The following PML variants were observed in gnomAD, a reference collection of about 807,000 sequenced individuals.
PML encodes the protein PML nuclear body scaffold.
A neutral mutation model predicts 65.2 loss-of-function variants in PML; 28 were observed. That is an observed-to-expected ratio of 0.43 (90% CI 0.32 to 0.59). The LOEUF is 0.59. Among genes scored for constraint, PML ranks in the 20% least tolerant of loss-of-function variants. PML has a pLI of 0.08. For missense variants in PML, 1,021 were observed against 1,203.4 expected (o/e 0.85, Z 2.24); for synonymous variants, 500 against 508.8 (o/e 0.98, Z 0.23).
rs753194759 is a variant in PML at position 74,035,906 on chromosome 15, G to GC, written c.1710+1382dup. The GC allele has an allele frequency of 3.7e-6, 6 of 1,613,650 alleles. No individual in the cohort carries two copies. The East Asian group carries it at 6.7e-5, about 18-fold the overall frequency. The stretch of plus-strand genomic sequence containing the variant: ...TCCCACCACCCTGTGCCCCAGAAAG[G>GC]CCCCCCATCAGCCCAGTCCCAGGCG... On this transcript the variant is annotated intron_variant, in intron 7 of 8. Coordinates refer to ENST00000268058, the MANE Select transcript of PML (RefSeq NM_033238.3). The surrounding 1 kb of genome is among the most constrained non-coding windows in gnomAD (Gnocchi z 4.1).
chr15:74,007,726 A>G (rs1018484059), intron 2 of PML, among the ~76,000 whole-genome samples: 24 of 152,018 alleles, frequency 1.6e-4, no homozygotes, highest in African/African-American at 5.8e-4. Context: ...TTTGCTCCAC[A>G]TGCCTGTGGA....
intron 2 of PML, among the ~76,000 whole-genome samples, chr15:74,019,659 A>G (rs2070749280): frequency 6.6e-6 from 1 of 152,354 alleles, no homozygotes; most frequent in East Asian, 1.9e-4. Context: ...CATCTGATAC[A>G]CACATTTCTG....
rs992452617 is a variant in PML at position 74,046,045 on chromosome 15, AGT to A, written c.*1039_*1040del. The A allele has an allele frequency of 1.3e-5, 3 of 232,882 alleles. No homozygotes were observed. Among genetic ancestry groups the A allele is most frequent in the Non-Finnish European group, 2.5e-5 (3 of 117,840 alleles). The allele number at this position is 232,882 out of a possible 1,614,324, so 14.4% of individuals were successfully genotyped here. On this transcript the variant is annotated 3_prime_UTR_variant, in exon 9 of 9. Coordinates refer to ENST00000268058, the MANE Select transcript of PML (RefSeq NM_033238.3). Reference sequence around the variant, plus strand: ...GTCCCGTCCCTATCTCTGACTGTGCAGTGAGTGTGGCCTAGGAACAGGTCCCT... The same window carrying A: ...GTCCCGTCCCTATCTCTGACTGTGCAGAGTGTGGCCTAGGAACAGGTCCCT...
rs780369568 is a variant in PML, at chr15:74,044,463, G to C, written c.2104G>C (p.Glu702Gln). Residue 702 changes from glutamate to glutamine, a missense_variant, in exon 9 of 9, where the codon GAG becomes CAG. Coordinates refer to ENST00000268058, the MANE Select transcript of PML (RefSeq NM_033238.3). ...EDINRLWEFQ[E>Q]AISGFLAALP... The stretch of plus-strand genomic sequence containing the variant: ...CATTAACAGGCTGTGGGAATTCCAG[G>C]AGGCCATCTCGGGCTTCCTGGCTGC... The C allele has an allele frequency of 1.1e-5, 17 of 1,614,138 alleles. No homozygotes were observed. Among genetic ancestry groups the C allele is most frequent in the Non-Finnish European group, 1.4e-5 (17 of 1,180,000 alleles).
chr15:74,024,402 G>A (rs1280195350), intron 3 of PML, among the ~76,000 whole-genome samples: 1 of 152,146 alleles, frequency 6.6e-6, no homozygotes, highest in East Asian at 1.9e-4. Context: ...GCTTGCCTTG[G>A]GTGTTATAAC....
chr15:74,041,518 C>T (rs1267714995), intron 7 of PML: 1 of 152,336 alleles, frequency 6.6e-6, no homozygotes, highest in African/African-American at 2.4e-5. Flanking sequence ...GGCAGACTCT[C>T]TGACTAGATC....
Position 74,046,025 on chromosome 15 carries a change from G to C in PML, c.*1017G>C, listed in dbSNP as rs542308418. 6.7e-4 allele frequency: 156 copies of C among 232,822 alleles called. 1 individual carries two copies. The highest frequency in any genetic ancestry group is 2.9e-3 in the African/African-American group (130 of 45,432). 14.4% of individuals were successfully genotyped at this position (232,822 alleles called of 1,614,324 possible). On this transcript the variant is annotated 3_prime_UTR_variant, in exon 9 of 9. Coordinates refer to ENST00000268058, the MANE Select transcript of PML (RefSeq NM_033238.3). Reference sequence around the variant, plus strand: ...AGTGTGGAACAGCAGAGAAAGTCCCGTCCCTATCTCTGACTGTGCAGTGAG... The same window carrying C: ...AGTGTGGAACAGCAGAGAAAGTCCCCTCCCTATCTCTGACTGTGCAGTGAG...
chr15:74,042,219 G>A lies in PML; in HGVS notation c.1711-770G>A, dbSNP rs1482875141. Among the ~76,000 whole-genome samples, 4 of 152,162 alleles carry A rather than the reference G, an allele frequency of 2.6e-5. No individual in the cohort carries two copies. Among genetic ancestry groups the A allele is most frequent in the Non-Finnish European group, 4.4e-5 (3 of 68,046 alleles). On this transcript the variant is annotated intron_variant, in intron 7 of 8. Transcript: ENST00000268058. This position sits in a 1 kb window ranked among gnomAD's most constrained non-coding sequence, Gnocchi z 5.3. The stretch of plus-strand genomic sequence containing the variant: ...CCAGGACCTTGGGACAGGAGAGAAC[G>A]CCTCACCTGAAGGACTCCCAAAACT...
chr15:74,027,410 G>C (rs1056533431), intron 4 of PML: 6 of 152,188 alleles, frequency 3.9e-5, no homozygotes, highest in African/African-American at 1.4e-4. Context: ...AAATCAGCCA[G>C]GTGTGGTGGC....
At position 74,023,141 on chromosome 15, in the gene PML, C is replaced by T. The variant is rs1195888860; in HGVS notation, c.916C>T (p.Gln306Ter). 1 of 1,604,610 alleles carries T rather than the reference C, an allele frequency of 6.2e-7. No homozygotes were observed. Among genetic ancestry groups the T allele is most frequent in the African/African-American group, 1.3e-5 (1 of 74,984 alleles). ...ELLEAVDARY[Q>*]RDYEEMASRL... ...GCTGGAGGCTGTGGACGCGCGGTAC[C>T]AGCGCGACTACGAGGAGATGGCCAG... Residue 306 changes from glutamine (Q) to a stop codon, truncating the protein, a stop_gained, in exon 3 of 9, where the codon CAG becomes TAG. Transcript: ENST00000268058. LOFTEE classifies it high-confidence loss of function.
At chr15:74,005,241 C>T (rs1190890973) in intron 2 of PML, among the ~76,000 whole-genome samples, 5 of 151,074 alleles carry the variant, frequency 3.3e-5, no homozygotes, top group South Asian at 2.1e-4. Flanking sequence ...TTAGTAGAGA[C>T]GGCGTTTCAC....
At chr15:74,025,198 C>T (rs111886581) in intron 4 of PML, 6 of 500,410 alleles carry the variant, frequency 1.2e-5, no homozygotes, top group South Asian at 2.1e-5. Flanking sequence ...GGTAGACAGT[C>T]GGCCACAGAT....
At chr15:74,034,160 T>C (rs745869933) in intron 6 of PML, 85 of 454,908 alleles carry the variant, frequency 1.9e-4, no homozygotes, top group Non-Finnish European at 3.2e-4. Context: ...TTCTTTAGGA[T>C]TGCAGAAGGT....
intron 7 of PML, among the ~76,000 whole-genome samples, chr15:74,040,691 A>C (rs2071676422): frequency 6.6e-6 from 1 of 152,196 alleles, no homozygotes; most frequent in African/African-American, 2.4e-5. Flanking sequence ...TTCCAGTGAG[A>C]CCAGCTCCAT....
intron 4 of PML, among the ~76,000 whole-genome samples, chr15:74,029,404 A>C (rs927466665): frequency 2.0e-5 from 3 of 152,174 alleles, no homozygotes; most frequent in African/African-American, 7.2e-5. Flanking sequence ...CAAGTGGATC[A>C]CCTGAGGTCA....
rs191172928 is a variant in PML at position 73,997,007 on chromosome 15, A to T, written c.130-997A>T. Among the ~76,000 whole-genome samples the T allele has an allele frequency of 2.7e-3, 404 of 152,336 alleles. 3 individuals carry two copies. The highest frequency in any genetic ancestry group is 9.3e-3 in the African/African-American group (386 of 41,580). On this transcript the variant is annotated intron_variant, in intron 1 of 8. Transcript: ENST00000268058. ...GAAAGCAGAGATTTATTGAAAATGA[A>T]AGTACACCCCACAGGGTGGGAGCGG...
In PML at chr15:73,994,769, G is replaced by T. The variant is rs1421893507; in HGVS notation, c.-44G>T. The T allele has an allele frequency of 6.5e-7, 1 of 1,549,482 alleles. No homozygotes were observed. Among genetic ancestry groups the T allele is most frequent in the East Asian group, 2.4e-5 (1 of 40,940 alleles). On this transcript the variant is annotated 5_prime_UTR_variant, in exon 1 of 9. Transcript: ENST00000268058. ...CGCCTCCCCTTCAGCTTCTCTTCACGCACTCCAAGATCTAAACCGAGAATC... is the reference window on the plus strand; with the variant it reads ...CGCCTCCCCTTCAGCTTCTCTTCACTCACTCCAAGATCTAAACCGAGAATC...
In PML at chr15:74,037,170, GC is replaced by G; in HGVS notation, c.1710+2645del. The G allele has an allele frequency of 2.0e-6, 2 of 985,402 alleles. No individual in the cohort carries two copies. Among genetic ancestry groups the G allele is most frequent in the South Asian group, 4.7e-5 (1 of 21,292 alleles). 61.0% of individuals were successfully genotyped at this position (985,402 alleles called of 1,614,324 possible). A position where few individuals can be genotyped will look rare whatever the true frequency, so the allele number is the denominator to read the frequency against. On this transcript the variant is annotated intron_variant, in intron 7 of 8. Transcript: ENST00000268058. The surrounding 1 kb of genome is among the most constrained non-coding windows in gnomAD (Gnocchi z 4.2). The stretch of plus-strand genomic sequence containing the variant: ...GCATGTCCTTTTGCTCTGCAGGGCA[GC>G]CCCCGCCTGCCTTTCTTCACTGGGC...
chr15:74,027,169 T>A (rs2071115516), intron 4 of PML: 1 of 152,208 alleles, frequency 6.6e-6, no homozygotes, highest in South Asian at 2.1e-4. Context: ...ATGGCAGGCT[T>A]TATTTAGCCA....
Sources: gnomAD v4.1 joint callset for allele counts (sites outside exome capture counted in the v4.1 genomes callset) on GRCh38, gnomAD v4.1.1 for gene constraint, Gnocchi (gnomAD v3.1) non-coding constraint, MANE v1.5 for transcripts, NCBI Gene and HGNC (gene_info 2026-07-23, HGNC 2026-07-21) for gene names.